The following PRKDC variants were observed in gnomAD, a reference collection of about 807,000 sequenced individuals.
The protein encoded by PRKDC is protein kinase, DNA-activated, catalytic subunit, also known as DNA-dependent protein kinase catalytic subunit.
PRKDC carries 82 observed loss-of-function variants against 486.9 expected under a neutral mutation model. The ratio of observed to expected loss-of-function variants is 0.17; its 90% CI spans 0.14 to 0.20. PRKDC has a LOEUF of 0.20. Ranked by LOEUF, PRKDC falls within the 10% of genes least tolerant of loss-of-function variation. The pLI, the probability that PRKDC is intolerant of heterozygous loss-of-function variation, is 1.00. For missense variants in PRKDC, 4,504 were observed against 5,038.2 expected (o/e 0.89, Z 3.21); for synonymous variants, 1,895 against 1,837.0 (o/e 1.03, Z -0.81).
At chr8:47,883,173 A>C (rs921753553) in intron 36 of PRKDC, among the ~76,000 whole-genome samples, 1 of 152,198 alleles carries the variant, frequency 6.6e-6, no homozygotes, top group Non-Finnish European at 1.5e-5. Context: ...CACATAATGG[A>C]TAATCCAGCT....
At chr8:47,808,108 A>G (rs1589710783) in intron 68 of PRKDC, among the ~76,000 whole-genome samples, 1 of 152,344 alleles carries the variant, frequency 6.6e-6, no homozygotes, top group Non-Finnish European at 1.5e-5. Context: ...GGTGATAAAT[A>G]CATAACAGTA....
rs576870170 is a variant in PRKDC at position 47,807,837 on chromosome 8, T to G, written c.9558-511A>C. Among the ~76,000 whole-genome samples the G allele has an allele frequency of 1.1e-4, 17 of 152,228 alleles. No individual in the cohort carries two copies. In the East Asian group the frequency reaches 3.3e-3, roughly 29 times the overall value. ...TTCAAGCGATTCTCCTGCCTCAGCCTCCTGAGTAGCTGGGACTACAGGCGT... is the reference window on the plus strand; with the variant it reads ...TTCAAGCGATTCTCCTGCCTCAGCCGCCTGAGTAGCTGGGACTACAGGCGT... On this transcript the variant is annotated intron_variant, in intron 68 of 85. Transcript: ENST00000314191.
rs368804788 is a variant in PRKDC, at chr8:47,930,746, T to C, written c.1818A>G (p.Ser606=). ...EAPGVWMIPT[S]DPAANLHPAK... ...CTGGATGCAAGTTAGCCGCTGGATC[T>C]GAAGTTGGGATCATCCAAACACCAG... The change falls in exon 17 of 86, where the codon TCA becomes TCG. Residue 606 remains serine, a synonymous_variant. Coordinates refer to ENST00000314191, the MANE Select transcript of PRKDC (RefSeq NM_006904.7). 822 of 1,590,880 alleles carry C rather than the reference T, an allele frequency of 5.2e-4. 1 individual carries two copies. The highest frequency in any genetic ancestry group is 6.5e-4 in the Non-Finnish European group (761 of 1,168,282).
chr8:47,780,641 T>C (rs1394058061), intron 80 of PRKDC, among the ~76,000 whole-genome samples: 1 of 152,148 alleles, frequency 6.6e-6, no homozygotes, highest in African/African-American at 2.4e-5. Flanking sequence ...TGAAAATTCT[T>C]AGGTTATAAA....
chr8:47,929,799 T>C (rs1214920820), intron 18 of PRKDC, 54 bp downstream of exon 18: 2 of 1,487,604 alleles, frequency 1.3e-6, no homozygotes, highest in African/African-American at 1.4e-5. Flanking sequence ...TACATTTATA[T>C]ATACTCATGA....
At position 47,855,204 on chromosome 8, in the gene PRKDC, A is replaced by G; in HGVS notation, c.6761+18T>C. 6.4e-7 allele frequency: 1 copy of G among 1,566,130 alleles called. No individual in the cohort carries two copies. The highest frequency in any genetic ancestry group is 2.0e-5 in the Admixed American group (1 of 50,670). ...AACCTAAATTTCTAAACAATACTGC[A>G]AAAACCAGTAAACATACCTATAAGG... On this transcript the variant is annotated intron_variant, in intron 50 of 85. Coordinates refer to ENST00000314191, the MANE Select transcript of PRKDC (RefSeq NM_006904.7).
chr8:47,853,894 G>A (rs753954270), intron 51 of PRKDC, among the ~76,000 whole-genome samples, 189 bp downstream of exon 51: 1 of 152,082 alleles, frequency 6.6e-6, no homozygotes, highest in Non-Finnish European at 1.5e-5. Flanking sequence ...TTGAACTCCT[G>A]GACTCAAGCA....
At chr8:47,816,177 G>A (rs995842252) in intron 68 of PRKDC, among the ~76,000 whole-genome samples, 2 of 151,492 alleles carry the variant, frequency 1.3e-5, no homozygotes, top group South Asian at 2.1e-4. Context: ...TTGTGCCACC[G>A]CACTCCAGCC....
intron 76 of PRKDC, among the ~76,000 whole-genome samples, chr8:47,785,835 C>A (rs973270510): frequency 6.6e-6 from 1 of 151,518 alleles, no homozygotes; most frequent in East Asian, 2.0e-4. Flanking sequence ...ATAAGTGACA[C>A]GGTTAATGCC....
At chr8:47,828,083 A>C in intron 62 of PRKDC, 85 bp downstream of exon 62, 1 of 1,347,258 alleles carries the variant, frequency 7.4e-7, no homozygotes. Context: ...CAAGAGTCTC[A>C]ACACGGGAAA....
intron 2 of PRKDC, 46 bp from the exon 3 acceptor site, chr8:47,957,309 A>G (rs2090720230): frequency 1.3e-6 from 2 of 1,580,960 alleles, no homozygotes; most frequent in East Asian, 2.2e-5. Context: ...AAGAGGAGTC[A>G]CTCCAGGAAT....
Position 47,912,507 on chromosome 8 carries a change from G to T in PRKDC, c.2837C>A (p.Thr946Lys), listed in dbSNP as rs766087987. Reference sequence around the variant, plus strand: ...TCCCTGTCCCCCTTCTGGCATCTGCGTGGCTTTGCCCAACATAAACATAAC... The same window carrying T: ...TCCCTGTCCCCCTTCTGGCATCTGCTTGGCTTTGCCCAACATAAACATAAC... Reference protein sequence around the residue: ...SMVMFMLGKATQMPEGGQGAP... With the variant: ...SMVMFMLGKAKQMPEGGQGAP... The change falls in exon 25 of 86, where the codon ACG becomes AAG. Residue 946 changes from threonine (T) to lysine (K), a missense_variant. Physicochemically the swap from Thr to Lys is moderately conservative, Grantham distance 78. This residue lies in a region of PRKDC where 1,969 missense variants were observed against 2,068.9 expected (regional missense o/e 0.95). Coordinates refer to ENST00000314191, the MANE Select transcript of PRKDC (RefSeq NM_006904.7). The T allele has an allele frequency of 6.2e-7, 1 of 1,612,496 alleles. No individual in the cohort carries two copies. The highest frequency in any genetic ancestry group is 8.5e-7 in the Non-Finnish European group (1 of 1,179,106).
chr8:47,865,894 G>A (rs2088797475), intron 40 of PRKDC, among the ~76,000 whole-genome samples: 3 of 152,168 alleles, frequency 2.0e-5, no homozygotes, highest in African/African-American at 7.2e-5. Context: ...AGTGGCTCAT[G>A]CCTGTAATCC....
rs1238127174 is a variant in PRKDC at position 47,918,335 on chromosome 8, T to C, written c.2468A>G (p.Gln823Arg). The change falls in exon 22 of 86, where the codon CAG becomes CGG. Residue 823 changes from glutamine (Q) to arginine (R), a missense_variant. By Grantham distance (43) the Gln-to-Arg change is conservative. Around this residue, in one of 6 missense-constraint regions of PRKDC, gnomAD observed 1,969 missense variants for 2,068.9 expected, o/e 0.95. Coordinates refer to ENST00000314191, the MANE Select transcript of PRKDC (RefSeq NM_006904.7). ...WEVSALSRAAQKGFNKVVLKH... is the reference protein window; with the variant it reads ...WEVSALSRAARKGFNKVVLKH... ...TAACACCACTTTATTAAATCCTTTCTGGGCAGCCCGAGAAAGAGCTGACAC... is the reference window on the plus strand; with the variant it reads ...TAACACCACTTTATTAAATCCTTTCCGGGCAGCCCGAGAAAGAGCTGACAC... 1 of 1,597,200 alleles carries C rather than the reference T, an allele frequency of 6.3e-7. No homozygotes were observed. Among genetic ancestry groups the C allele is most frequent in the Admixed American group, 1.7e-5 (1 of 58,112 alleles).
chr8:47,890,360 C>T lies in PRKDC; in HGVS notation c.3968G>A (p.Ser1323Asn). The T allele has an allele frequency of 6.2e-7, 1 of 1,613,388 alleles. No individual in the cohort carries two copies. Among genetic ancestry groups the T allele is most frequent in the African/African-American group, 1.3e-5 (1 of 75,048 alleles). The change falls in exon 32 of 86, where the codon AGC becomes AAC. Residue 1323 changes from serine to asparagine, a missense_variant. Ser to Asn is a conservative substitution (Grantham distance 46). Around this residue, in one of 6 missense-constraint regions of PRKDC, gnomAD observed 1,969 missense variants for 2,068.9 expected, o/e 0.95. Transcript: ENST00000314191. ...FGTGAAGNRT[S>N]PQEGERYNYS... ...GTTGTACCTTTCTCCCTCTTGTGGG[C>T]TTGTTCTGTTACCTGCTGCCCCAGT...
intron 39 of PRKDC, among the ~76,000 whole-genome samples, chr8:47,878,090 G>T (rs1321878699): frequency 6.8e-6 from 1 of 147,110 alleles, no homozygotes; most frequent in East Asian, 2.0e-4. Flanking sequence ...ATTCTTTCTA[G>T]GTTTTTTTTT....
At chr8:47,932,408 G>A (rs543786446) in intron 16 of PRKDC, among the ~76,000 whole-genome samples, 9 of 151,982 alleles carry the variant, frequency 5.9e-5, no homozygotes, top group East Asian at 1.9e-4. Context: ...TAGTAGAGAC[G>A]GGGTTTCATC....
At chr8:47,779,125 G>A (rs762271408) in intron 80 of PRKDC, 32 bp from the exon 81 acceptor site, 9 of 1,479,506 alleles carry the variant, frequency 6.1e-6, no homozygotes, top group Non-Finnish European at 8.3e-6. Flanking sequence ...ATTGGAATTA[G>A]GAAGATTTTA....
At chr8:47,790,867 T>C (rs1179804822) in intron 74 of PRKDC, among the ~76,000 whole-genome samples, 1 of 152,132 alleles carries the variant, frequency 6.6e-6, no homozygotes, top group Non-Finnish European at 1.5e-5. Context: ...ATATGCAGAA[T>C]AATGAAACTA....
Sources: gnomAD v4.1 joint callset for allele counts (sites outside exome capture counted in the v4.1 genomes callset) on GRCh38, gnomAD v4.1.1 for gene constraint, gnomAD v4.1.1 regional missense constraint, MANE v1.5 for transcripts, NCBI Gene and HGNC (gene_info 2026-07-23, HGNC 2026-07-21) for gene names.